Variants in THY1 observed in about 807,000 individuals in gnomAD.
THY1 encodes the protein thy-1 membrane glycoprotein.
A neutral mutation model predicts 14.9 loss-of-function variants in THY1; 10 were observed. The ratio of observed to expected loss-of-function variants is 0.67; its 90% confidence interval spans 0.41 to 1.14. The LOEUF (loss-of-function observed/expected upper bound fraction) is 1.14, where lower values mean the gene tolerates loss of function less well. Among genes scored for constraint, THY1 ranks in the 50% most tolerant of loss-of-function variants. The pLI is 0.00. For missense variants in THY1, 159 were observed against 202.1 expected (o/e 0.79, Z 1.29); for synonymous variants, 80 against 90.0 (o/e 0.89, Z 0.63).
intron 3 of THY1, 196 bp downstream of exon 3, chr11:119,419,855 G>A (rs1861861419): frequency 2.4e-5 from 16 of 667,382 alleles, no homozygotes. Context: ...GAACCACACT[G>A]CTCTGCCTGT....
chr11:119,420,978 A>G (rs3751026), intron 1 of THY1, 49 bp from the exon 2 acceptor site: 1,434,019 of 1,591,882 alleles, frequency 0.9, 646,164 homozygotes, highest in East Asian at 0.96. Context: ...CACACTTACC[A>G]CCAGGGCTGG....
chr11:119,421,100 T>C, intron 1 of THY1, 171 bp from the exon 2 acceptor site: 2 of 569,242 alleles, frequency 3.5e-6, no homozygotes, highest in Non-Finnish European at 6.1e-6. Context: ...GGCTCTTTCC[T>C]GCTCAGGGAA....
At position 119,417,177 on chromosome 11, in the gene THY1, C is replaced by G. The variant is rs903360587; in HGVS notation, c.*2231G>C. 2.6e-5 allele frequency among the ~76,000 whole-genome samples: 4 copies of G among 152,216 alleles called. No homozygotes were observed. Among genetic ancestry groups the G allele is most frequent in the Non-Finnish European group, 4.4e-5 (3 of 68,038 alleles). On this transcript the variant is annotated 3_prime_UTR_variant, in exon 4 of 4. Coordinates refer to ENST00000284240, the MANE Select transcript of THY1 (RefSeq NM_006288.5). ...CTTGGCACGGCGCTTGCAGCCCAAG[C>G]AGGGCTGAAGGAGAGGGGCCTGAGT... is the stretch of plus-strand genomic sequence containing the variant.
rs1861872116 is a variant in THY1 at position 119,420,272 on chromosome 11, T to G, written c.152A>C (p.Glu51Ala). The change falls in exon 3 of 4, where the codon GAG becomes GCG. Residue 51 changes from glutamate (E) to alanine (A), a missense_variant. Physicochemically the swap from Glu to Ala is moderately radical, Grantham distance 107 (BLOSUM62 -1). Coordinates refer to ENST00000284240, the MANE Select transcript of THY1 (RefSeq NM_006288.5). ...CTTTGTCTCACGGGTCAGGCTGAAC[T>G]CGTACTGGATGGGTGAACTGCTGGT... ...ENTSSSPIQY[E>A]FSLTRETKKH... 6 of 1,614,126 alleles carry G rather than the reference T, an allele frequency of 3.7e-6. No individual in the cohort carries two copies. Among genetic ancestry groups the G allele is most frequent in the Non-Finnish European group, 5.1e-6 (6 of 1,180,048 alleles).
At chr11:119,421,669 C>T (rs1861903156) in intron 1 of THY1, 1 of 152,236 alleles carries the variant, frequency 6.6e-6, no homozygotes, top group Non-Finnish European at 1.5e-5. Context: ...GCTTCATATA[C>T]GTGAGACACA....
At chr11:119,424,724 C>T (rs940735420), upstream of THY1, among the ~76,000 whole-genome samples, 3 of 152,028 alleles carry the variant, frequency 2.0e-5, no homozygotes, top group African/African-American at 7.2e-5. Flanking sequence ...TCTCACGCTC[C>T]CCAGGATCTG....
chr11:119,419,584 C>G, intron 3 of THY1, 64 bp from the exon 4 acceptor site: 1 of 1,366,164 alleles, frequency 7.3e-7, no homozygotes, highest in Non-Finnish European at 1.0e-6. Flanking sequence ...CTCAGGCAGG[C>G]ACAGGCCCAA....
chr11:119,424,370 T>C (rs1287805027), upstream of THY1, among the ~76,000 whole-genome samples: 6 of 152,214 alleles, frequency 3.9e-5, no homozygotes, highest in Admixed American at 3.9e-4. Flanking sequence ...TTATGAATTC[T>C]GATCACGACA....
chr11:119,418,950 GACC>G lies in THY1; in HGVS notation c.*455_*457del. On this transcript the variant is annotated 3_prime_UTR_variant, in exon 4 of 4. Transcript: ENST00000284240. ...CCTGCCGAGGAGTGCTGTCAGGACA[GACC>G]ATGTCCGTGCTAGGCCCAGGCACAG... 1 of 274,880 alleles carries G rather than the reference GACC, an allele frequency of 3.6e-6. No homozygotes were observed. Among genetic ancestry groups the G allele is most frequent in the Non-Finnish European group, 7.2e-6 (1 of 139,568 alleles). 17.0% of individuals were successfully genotyped at this position (274,880 alleles called of 1,614,324 possible).
In THY1 at chr11:119,420,091, A is replaced by G; in HGVS notation, c.333T>C (p.His111=). ...TYTCALHHSG[H]SPPISSQNVT... ...CGTTCTGGGAGGAGATGGGTGGGGA[A>G]TGGCCAGAGTGGTGGAGTGCACACG... is the stretch of plus-strand genomic sequence containing the variant. The change falls in exon 3 of 4, where the codon CAT becomes CAC. Residue 111 remains histidine, a synonymous_variant. Transcript: ENST00000284240. 1 of 1,613,310 alleles carries G rather than the reference A, an allele frequency of 6.2e-7. No homozygotes were observed. Among genetic ancestry groups the G allele is most frequent in the Middle Eastern group, 1.7e-4 (1 of 6,060 alleles).
chr11:119,417,009 T>C lies in THY1; in HGVS notation c.*2399A>G, dbSNP rs1447704658. 2.0e-5 allele frequency among the ~76,000 whole-genome samples: 3 copies of C among 152,192 alleles called. No homozygotes were observed. Among genetic ancestry groups the C allele is most frequent in the Non-Finnish European group, 4.4e-5 (3 of 68,034 alleles). On this transcript the variant is annotated 3_prime_UTR_variant, in exon 4 of 4. Coordinates refer to ENST00000284240, the MANE Select transcript of THY1 (RefSeq NM_006288.5). ...GACCCCATAGGAAGTGTCACACAGG[T>C]GCGAGGCTTCACACAGTGCCGCTCA...
At chr11:119,421,049 C>G (rs1861890333) in intron 1 of THY1, 120 bp from the exon 2 acceptor site, 1 of 808,872 alleles carries the variant, frequency 1.2e-6, no homozygotes, top group Non-Finnish European at 2.0e-6. Flanking sequence ...TCTCCATTCC[C>G]CCTCTCGTCC....
intron 3 of THY1, 96 bp downstream of exon 3, chr11:119,419,953 TGG>T: frequency 7.8e-7 from 1 of 1,285,156 alleles, no homozygotes; most frequent in Non-Finnish European, 1.1e-6. Flanking sequence ...GAGAGCGTTA[TGG>T]GGCTATTCTC....
rs988263791 is a variant in THY1, at chr11:119,416,702, G to A, written c.*2706C>T. Reference sequence around the variant, plus strand: ...TAGTCTCGAACTCCTGACCTCAAGCGATCCGCCTCTTCCCAAAGTGGTGGG... The same window carrying A: ...TAGTCTCGAACTCCTGACCTCAAGCAATCCGCCTCTTCCCAAAGTGGTGGG... On this transcript the variant is annotated 3_prime_UTR_variant, in exon 4 of 4. Transcript: ENST00000284240. Among the ~76,000 whole-genome samples the A allele has an allele frequency of 3.3e-5, 5 of 152,182 alleles. No homozygotes were observed. The highest frequency in any genetic ancestry group is 1.2e-4 in the African/African-American group (5 of 41,450).
At chr11:119,420,418 G>A (rs757610603) in intron 2 of THY1, 32 bp from the exon 3 acceptor site, 4 of 1,569,706 alleles carry the variant, frequency 2.5e-6, no homozygotes, top group South Asian at 1.2e-5. Flanking sequence ...TCAAACTGGA[G>A]GGGCCTGCGG....
chr11:119,417,459 T>G lies in THY1; in HGVS notation c.*1949A>C, dbSNP rs1861799943. ...GCTAAATATCAGATGAGTCAGCCTC[T>G]GGGCAGCTGTCACCTTCCTCCCCCA... On this transcript the variant is annotated 3_prime_UTR_variant, in exon 4 of 4. Coordinates refer to ENST00000284240, the MANE Select transcript of THY1 (RefSeq NM_006288.5). The G allele has an allele frequency of 6.6e-6, 1 of 152,204 alleles. No individual in the cohort carries two copies. The highest frequency in any genetic ancestry group is 1.5e-5 in the Non-Finnish European group (1 of 68,036). The allele number at this position is 152,204 out of a possible 1,614,324, so 9.4% of individuals were successfully genotyped here.
At chr11:119,419,546 G>T (rs1328061123) in intron 3 of THY1, 26 bp from the exon 4 acceptor site, 2 of 1,592,442 alleles carry the variant, frequency 1.3e-6, no homozygotes, top group Middle Eastern at 2.2e-4. Flanking sequence ...GGGGCCGGGG[G>T]CAGGGTAGGA....
Position 119,418,789 on chromosome 11 carries a change from G to C in THY1, c.*619C>G, listed in dbSNP as rs947970647. 6.2e-6 allele frequency: 1 copy of C among 160,698 alleles called. No individual in the cohort carries two copies. The highest frequency in any genetic ancestry group is 1.4e-5 in the Non-Finnish European group (1 of 73,202). 10.0% of individuals were successfully genotyped at this position (160,698 alleles called of 1,614,324 possible). A position where few individuals can be genotyped will look rare whatever the true frequency, so the allele number is the denominator to read the frequency against. ...AGGCCTCTGAGGGACTTCCACAGTG[G>C]TAAGGAGGGCTGCCCTTTTTATTTT... On this transcript the variant is annotated 3_prime_UTR_variant, in exon 4 of 4. Coordinates refer to ENST00000284240, the MANE Select transcript of THY1 (RefSeq NM_006288.5).
chr11:119,416,129 G>A lies in THY1; in HGVS notation c.*3279C>T, dbSNP rs551009922. Among the ~76,000 whole-genome samples the A allele has an allele frequency of 1.1e-4, 16 of 152,254 alleles. No homozygotes were observed. The highest frequency in any genetic ancestry group is 6.2e-4 in the South Asian group (3 of 4,824). On this transcript the variant is annotated 3_prime_UTR_variant, in exon 4 of 4. Transcript: ENST00000284240. ...TAGATGTCAGAGATGCAGACATTGC[G>A]CGTCTCAGTGGACAATCCAGTCCAG...
Sources: allele counts gnomAD v4.1 joint callset (sites outside exome capture counted in the v4.1 genomes callset), GRCh38; gene constraint gnomAD v4.1.1; transcripts MANE v1.5; gene names NCBI Gene and HGNC (gene_info 2026-07-23, HGNC 2026-07-21).